The following DOCK7 variants were observed in gnomAD, a reference collection of about 807,000 sequenced individuals.
DOCK7 encodes the protein dedicator of cytokinesis 7, also known as dedicator of cytokinesis protein 7.
DOCK7 carries 138 observed loss-of-function variants against 271.0 expected under a neutral mutation model. That is an observed-to-expected ratio of 0.51 (90% confidence interval 0.44 to 0.59). The LOEUF is 0.59. Ranked by LOEUF, DOCK7 falls within the 20% of genes least tolerant of loss-of-function variation. The pLI is 0.00. For missense variants in DOCK7, 2,066 were observed against 2,592.4 expected (o/e 0.80, Z 4.41); for synonymous variants, 823 against 876.1 (o/e 0.94, Z 1.07).
At chr1:62,583,775 C>T (rs527708963) in intron 15 of DOCK7, among the ~76,000 whole-genome samples, 2 of 152,020 alleles carry the variant, frequency 1.3e-5, no homozygotes, top group Non-Finnish European at 2.9e-5. Context: ...AGGAGGAGCT[C>T]CATTCTTATA....
chr1:62,488,876 T>A (rs986204141), intron 42 of DOCK7, 58 bp downstream of exon 42: 1 of 1,606,188 alleles, frequency 6.2e-7, no homozygotes, highest in African/African-American at 1.3e-5. Context: ...CAAAACAACA[T>A]TAATGCTTTC....
intron 18 of DOCK7, among the ~76,000 whole-genome samples, chr1:62,569,712 T>TCC (rs759891951): frequency 6.5e-4 from 37 of 57,314 alleles, no homozygotes; most frequent in African/African-American, 1.7e-3. Flanking sequence ...CTCTCCCCCC[T>TCC]CCCCCCCCCC....
chr1:62,588,182 C>G (rs1647848965), intron 14 of DOCK7, among the ~76,000 whole-genome samples: 1 of 152,120 alleles, frequency 6.6e-6, no homozygotes, highest in Non-Finnish European at 1.5e-5. Flanking sequence ...CTGAAATCAT[C>G]CAGTAAAATT....
intron 14 of DOCK7, among the ~76,000 whole-genome samples, chr1:62,609,837 ATTC>A (rs917365704): frequency 9.9e-5 from 15 of 151,922 alleles, no homozygotes; most frequent in Admixed American, 8.5e-4. Flanking sequence ...TTGACTCAGA[ATTC>A]TTTTTTTTTT....
At chr1:62,561,515 AT>A in intron 19 of DOCK7, 101 bp downstream of exon 19, 1 of 556,026 alleles carries the variant, frequency 1.8e-6, no homozygotes, top group South Asian at 5.8e-5. Flanking sequence ...TCTGACAGCA[AT>A]GACAGATTTA....
chr1:62,554,255 G>A (rs558473568), intron 21 of DOCK7, among the ~76,000 whole-genome samples: 4 of 152,052 alleles, frequency 2.6e-5, no homozygotes, highest in African/African-American at 4.8e-5. Context: ...GGCGGACCAC[G>A]AGTTCAGGAG....
At chr1:62,674,663 T>C (rs1401711314) in intron 1 of DOCK7, among the ~76,000 whole-genome samples, 2 of 152,190 alleles carry the variant, frequency 1.3e-5, no homozygotes, top group Admixed American at 1.3e-4. Flanking sequence ...ACATTTATGA[T>C]CAACTGATTT....
intron 14 of DOCK7, chr1:62,602,415 C>T: frequency 6.4e-7 from 1 of 1,567,064 alleles, no homozygotes; most frequent in Non-Finnish European, 8.8e-7. Flanking sequence ...CATTCACTTG[C>T]TAATCTACAA....
chr1:62,510,749 T>A, intron 33 of DOCK7, 76 bp from the exon 34 acceptor site: 2 of 1,114,134 alleles, frequency 1.8e-6, no homozygotes, highest in Non-Finnish European at 2.7e-6. Context: ...TGCAATCATG[T>A]AAGAAATATA....
chr1:62,686,989 A>G (rs769746787), intron 1 of DOCK7, among the ~76,000 whole-genome samples: 5 of 152,016 alleles, frequency 3.3e-5, no homozygotes, highest in Admixed American at 6.6e-5. Context: ...TATGTTGCCC[A>G]GGCTGGTCTT....
At position 62,601,142 on chromosome 1, in the gene DOCK7, C is replaced by T. The variant is rs1232979034; in HGVS notation, c.1683-14518G>A. The stretch of plus-strand genomic sequence containing the variant: ...TTCTCTATCTTCCAAGCCAAGAGCA[C>T]CAAGAACTACTCCCTTTCTTCAGTT... On this transcript the variant is annotated intron_variant, in intron 14 of 49. Transcript: ENST00000635253. The T allele has an allele frequency of 3.4e-5, 55 of 1,610,896 alleles. No homozygotes were observed. The highest frequency in any genetic ancestry group is 4.3e-5 in the Non-Finnish European group (51 of 1,177,744).
Position 62,473,999 on chromosome 1 carries a change from A to C in DOCK7, c.6195T>G (p.Phe2065Leu). 6.2e-7 allele frequency: 1 copy of C among 1,613,934 alleles called. No homozygotes were observed. Among genetic ancestry groups the C allele is most frequent in the Non-Finnish European group, 8.5e-7 (1 of 1,179,886 alleles). ...FRHHNKLRLCFKDFTKRCEDA... is the reference protein window; with the variant it reads ...FRHHNKLRLCLKDFTKRCEDA... Reference sequence around the variant, plus strand: ...TTGAATACCTTTTAGTAAAATCTTTAAAGCAGAGTCGCAGTTTATTATGAT... The same window carrying C: ...TTGAATACCTTTTAGTAAAATCTTTCAAGCAGAGTCGCAGTTTATTATGAT... The change falls in exon 48 of 50, where the codon TTT becomes TTG. Residue 2065 changes from phenylalanine (F) to leucine (L), a missense_variant. Around this residue, in one of 2 missense-constraint regions of DOCK7, gnomAD observed 652 missense variants for 922.1 expected, o/e 0.71. Coordinates refer to ENST00000635253, the MANE Select transcript of DOCK7 (RefSeq NM_001367561.1).
chr1:62,521,477 T>C (rs1293825162), intron 31 of DOCK7, among the ~76,000 whole-genome samples: 2 of 152,154 alleles, frequency 1.3e-5, no homozygotes, highest in African/African-American at 2.4e-5. Context: ...ACCATACTGG[T>C]TCTTTATAAA....
At chr1:62,526,317 G>A (rs1645006101) in intron 31 of DOCK7, among the ~76,000 whole-genome samples, 1 of 152,152 alleles carries the variant, frequency 6.6e-6, no homozygotes, top group Non-Finnish European at 1.5e-5. Context: ...ACAAAAAGAT[G>A]TTCAACATCT....
At chr1:62,501,372 G>A (rs1463443678) in intron 37 of DOCK7, among the ~76,000 whole-genome samples, 2 of 152,064 alleles carry the variant, frequency 1.3e-5, no homozygotes, top group Non-Finnish European at 2.9e-5. Flanking sequence ...GGTGAGAAAG[G>A]AGATAGAAAG....
intron 48 of DOCK7, among the ~76,000 whole-genome samples, chr1:62,460,593 C>G (rs1220922456): frequency 1.5e-5 from 2 of 132,918 alleles, no homozygotes; most frequent in East Asian, 2.2e-4. Context: ...AAAACTTGTG[C>G]CAATGTATTG....
At chr1:62,526,177 G>A (rs550567711) in intron 31 of DOCK7, among the ~76,000 whole-genome samples, 136 of 152,240 alleles carry the variant, frequency 8.9e-4, no homozygotes, top group African/African-American at 3.2e-3. Context: ...CTGAGCTCAA[G>A]CAATCCTCCC....
intron 11 of DOCK7, among the ~76,000 whole-genome samples, chr1:62,631,012 C>T (rs1654558929): frequency 6.6e-6 from 1 of 151,668 alleles, no homozygotes; most frequent in African/African-American, 2.4e-5. Context: ...TGGTGAAACC[C>T]CATCTCTACT....
chr1:62,647,841 A>G lies in DOCK7; in HGVS notation c.733-65T>C, dbSNP rs533736492. 305 of 1,190,960 alleles carry G rather than the reference A, an allele frequency of 2.6e-4. 1 individual carries two copies. Among genetic ancestry groups the G allele is most frequent in the Non-Finnish European group, 3.5e-4 (289 of 821,576 alleles). 73.8% of individuals were successfully genotyped at this position (1,190,960 alleles called of 1,614,324 possible). On this transcript the variant is annotated intron_variant, in intron 6 of 49. Transcript: ENST00000635253. ...CATATTCCAACTCTTTATCTTTTTC[A>G]GAACTTACTTTACTAATCTAACACT...
Sources: gnomAD v4.1 joint callset for allele counts (sites outside exome capture counted in the v4.1 genomes callset) on GRCh38, gnomAD v4.1.1 for gene constraint, gnomAD v4.1.1 regional missense constraint, MANE v1.5 for transcripts, NCBI Gene and HGNC (gene_info 2026-07-23, HGNC 2026-07-21) for gene names.